FGF18: variants seen among roughly 807,000 people sequenced by gnomAD.
The protein encoded by FGF18 is fibroblast growth factor 18.
FGF18 carries 5 observed loss-of-function variants against 23.0 expected under a neutral mutation model. That is an observed-to-expected ratio of 0.22 (90% CI 0.11 to 0.46). FGF18 has a LOEUF of 0.46. Ranked by LOEUF, FGF18 falls within the 20% of genes least tolerant of loss-of-function variation. FGF18 has a pLI of 0.99. For missense variants in FGF18, 180 were observed against 291.6 expected, an observed-to-expected ratio of 0.62 and a Z score of 2.79; for synonymous variants, 117 against 118.9, an observed-to-expected ratio of 0.98 and a Z score of 0.10.
intron 4 of FGF18, among the ~76,000 whole-genome samples, chr5:171,453,432 C>T (rs1438764178): frequency 6.6e-6 from 1 of 152,188 alleles, no homozygotes; most frequent in East Asian, 1.9e-4. Context: ...CATCCAAAAC[C>T]TCGCTTTGTG....
chr5:171,437,052 C>T (rs1435203938), intron 3 of FGF18, among the ~76,000 whole-genome samples: 2 of 152,348 alleles, frequency 1.3e-5, no homozygotes. Context: ...TGCGAGGCCT[C>T]CTGGTCCTTG....
rs535298172 is a variant in FGF18, at chr5:171,436,771, G to T, written c.250+498G>T. Among the ~76,000 whole-genome samples, 5 of 152,274 alleles carry T rather than the reference G, an allele frequency of 3.3e-5. 1 individual carries two copies. The South Asian group carries it at 1.0e-3, about 32-fold the overall frequency. On this transcript the variant is annotated intron_variant, in intron 3 of 4. Coordinates refer to ENST00000274625, the MANE Select transcript of FGF18 (RefSeq NM_003862.3). This position sits in a 1 kb window ranked among gnomAD's most constrained non-coding sequence, Gnocchi z 4.4. ...GGCACTCATTAACACCTTGGGCCAT[G>T]GTCCTGTTGACCTGCCCTTGACCCT...
At chr5:171,443,822 T>C (rs1772381690) in intron 3 of FGF18, among the ~76,000 whole-genome samples, 1 of 152,216 alleles carries the variant, frequency 6.6e-6, no homozygotes, top group Non-Finnish European at 1.5e-5. Context: ...GCCATTTTTC[T>C]TTCTGCCACT....
At chr5:171,428,926 C>A (rs1772137593) in intron 2 of FGF18, among the ~76,000 whole-genome samples, 1 of 152,202 alleles carries the variant, frequency 6.6e-6, no homozygotes, top group Non-Finnish European at 1.5e-5. Context: ...GGGAGGCCGA[C>A]CCTCGGGCCC....
chr5:171,423,103 G>A (rs754351932), intron 2 of FGF18, among the ~76,000 whole-genome samples: 4 of 152,080 alleles, frequency 2.6e-5, no homozygotes, highest in Non-Finnish European at 5.9e-5. Context: ...CCTGTCCATC[G>A]CTACCGGGCT....
At chr5:171,424,300 G>A (rs958328175) in intron 2 of FGF18, among the ~76,000 whole-genome samples, 3 of 152,178 alleles carry the variant, frequency 2.0e-5, no homozygotes, top group Admixed American at 2.0e-4. Flanking sequence ...TCTTCCTCCC[G>A]TTTAGCAGGG....
chr5:171,429,193 C>T lies in FGF18; in HGVS notation c.70-6900C>T, dbSNP rs1772142453. ...GGCCCGGCCTTCCTCCTCCCCTTTC[C>T]ATCCATGGGAAACTCATGGGCTTCA... On this transcript the variant is annotated intron_variant, in intron 2 of 4. Transcript: ENST00000274625. Among the ~76,000 whole-genome samples, 9 of 152,350 alleles carry T rather than the reference C, an allele frequency of 5.9e-5. No homozygotes were observed. The South Asian group carries it at 1.9e-3, about 32-fold the overall frequency.
chr5:171,453,601 C>T (rs1481184103), intron 4 of FGF18, among the ~76,000 whole-genome samples: 1 of 152,182 alleles, frequency 6.6e-6, no homozygotes, highest in Non-Finnish European at 1.5e-5. Context: ...CACTTAGAAT[C>T]TCCATGACCC....
intron 3 of FGF18, among the ~76,000 whole-genome samples, chr5:171,446,163 G>T (rs1772416444): frequency 6.6e-6 from 1 of 152,254 alleles, no homozygotes; most frequent in Non-Finnish European, 1.5e-5. Context: ...GTCGGGGAGA[G>T]AACAGACTTC....
At chr5:171,431,147 G>A (rs904210282) in intron 2 of FGF18, among the ~76,000 whole-genome samples, 1 of 152,216 alleles carries the variant, frequency 6.6e-6, no homozygotes, top group African/African-American at 2.4e-5. Flanking sequence ...GGGAGTGATG[G>A]AGGCTGCTGG....
In FGF18 at chr5:171,457,013, C is replaced by G. The variant is rs1772595427; in HGVS notation, c.*208C>G. 3 of 638,244 alleles carry G rather than the reference C, an allele frequency of 4.7e-6. No individual in the cohort carries two copies. The highest frequency in any genetic ancestry group is 3.2e-5 in the Admixed American group (1 of 31,144). The allele number at this position is 638,244 out of a possible 1,614,324, so 39.5% of individuals were successfully genotyped here. A position where few individuals can be genotyped will look rare whatever the true frequency, so the allele number is the denominator to read the frequency against. ...ACTTGAAACCCCCGATGACAAAAGA[C>G]TCACGCAAAGGGACTGTAGTCAACC... is the stretch of plus-strand genomic sequence containing the variant. On this transcript the variant is annotated 3_prime_UTR_variant, in exon 5 of 5. Coordinates refer to ENST00000274625, the MANE Select transcript of FGF18 (RefSeq NM_003862.3).
Position 171,440,569 on chromosome 5 carries a change from C to A in FGF18, c.250+4296C>A, listed in dbSNP as rs1199339276. ...CATCAAAGAGCCTTCAGTCTAGGGC[C>A]CCCATTCCTTACTAGAGGCTGACTT... On this transcript the variant is annotated intron_variant, in intron 3 of 4. Coordinates refer to ENST00000274625, the MANE Select transcript of FGF18 (RefSeq NM_003862.3). The surrounding 1 kb of genome is among the most constrained non-coding windows in gnomAD (Gnocchi z 4.0). Among the ~76,000 whole-genome samples, 1 of 152,116 alleles carries A rather than the reference C, an allele frequency of 6.6e-6. No homozygotes were observed. Among genetic ancestry groups the A allele is most frequent in the Non-Finnish European group, 1.5e-5 (1 of 68,014 alleles).
intron 4 of FGF18, among the ~76,000 whole-genome samples, chr5:171,449,695 G>A (rs888823086): frequency 6.6e-6 from 1 of 152,144 alleles, no homozygotes; most frequent in African/African-American, 2.4e-5. Context: ...GGGGCTTACC[G>A]TCCTGCAGCA....
At chr5:171,431,886 C>CA (rs1321245200) in intron 2 of FGF18, among the ~76,000 whole-genome samples, 1 of 151,856 alleles carries the variant, frequency 6.6e-6, no homozygotes, top group Non-Finnish European at 1.5e-5. Flanking sequence ...CTGTCTCTAC[C>CA]AAAAATACAA....
chr5:171,421,379 C>G (rs1445949332), intron 2 of FGF18, among the ~76,000 whole-genome samples: 1 of 152,188 alleles, frequency 6.6e-6, no homozygotes, highest in Non-Finnish European at 1.5e-5. Context: ...GCTCCCCAAG[C>G]CCCCACCCAC....
At chr5:171,430,164 C>G (rs1391472362) in intron 2 of FGF18, among the ~76,000 whole-genome samples, 1 of 151,684 alleles carries the variant, frequency 6.6e-6, no homozygotes, top group African/African-American at 2.4e-5. Flanking sequence ...CAAGACCAGC[C>G]TGGCCAAGAT....
At chr5:171,446,993 C>T (rs1369403165) in intron 3 of FGF18, among the ~76,000 whole-genome samples, 3 of 152,176 alleles carry the variant, frequency 2.0e-5, no homozygotes, top group East Asian at 1.9e-4. Flanking sequence ...ACTATATTTT[C>T]GTTTTTCTTT....
rs955389499 is a variant in FGF18 at position 171,433,297 on chromosome 5, G to C, written c.70-2796G>C. On this transcript the variant is annotated intron_variant, in intron 2 of 4. Transcript: ENST00000274625. ...CCAGGGAGAAAATCATTAATGGGAG[G>C]CCGGCTTCTGGGGCAGGGCAGCTCC... Among the ~76,000 whole-genome samples the C allele has an allele frequency of 7.2e-5, 11 of 152,226 alleles. No individual in the cohort carries two copies. In the East Asian group the frequency reaches 2.1e-3, roughly 29 times the overall value.
Position 171,457,158 on chromosome 5 carries a change from G to GAAA in FGF18, c.*365_*367dup. The GAAA allele has an allele frequency of 1.1e-5, 1 of 89,584 alleles. No individual in the cohort carries two copies. Among genetic ancestry groups the GAAA allele is most frequent in the Non-Finnish European group, 2.4e-5 (1 of 42,464 alleles). The allele number at this position is 89,584 out of a possible 1,614,324, so 5.5% of individuals were successfully genotyped here. A position where few individuals can be genotyped will look rare whatever the true frequency, so the allele number is the denominator to read the frequency against. ...TCCTTTTTCCCAAAGGTTCTGAAAGGAAAAAAAAAAAAAACAAAAAAAAAG... is the reference window on the plus strand; with the variant it reads ...TCCTTTTTCCCAAAGGTTCTGAAAGGAAAAAAAAAAAAAAAAACAAAAAAAAAG... On this transcript the variant is annotated 3_prime_UTR_variant, in exon 5 of 5. Transcript: ENST00000274625.
Sources: gnomAD v4.1 joint callset for allele counts (sites outside exome capture counted in the v4.1 genomes callset) on GRCh38, gnomAD v4.1.1 for gene constraint, Gnocchi (gnomAD v3.1) non-coding constraint, MANE v1.5 for transcripts, NCBI Gene and HGNC (gene_info 2026-07-23, HGNC 2026-07-21) for gene names.